RBM19: variants seen among roughly 807,000 people sequenced by gnomAD.
The protein encoded by RBM19 is RNA binding motif protein 19.
Under a neutral mutation model 116.8 loss-of-function variants are expected in RBM19, and 94 were observed. That is an observed-to-expected ratio of 0.80 (90% confidence interval 0.68 to 0.95). The LOEUF is 0.95. Among genes scored for constraint, RBM19 ranks in the 40% least tolerant of loss-of-function variants. The pLI, the probability that RBM19 is intolerant of heterozygous loss-of-function variation, is 0.00. For synonymous variants in RBM19, 475 were observed against 494.1 expected (o/e 0.96, Z 0.51); for missense variants, 1,161 against 1,220.7 (o/e 0.95, Z 0.73).
intron 21 of RBM19, among the ~76,000 whole-genome samples, chr12:113,870,669 G>A (rs1879145900): frequency 6.6e-6 from 1 of 152,106 alleles, no homozygotes; most frequent in Admixed American, 6.5e-5. Flanking sequence ...GGTTTTGCAG[G>A]GATCAAGGGA....
chr12:113,891,224 T>C (rs1880943072), intron 21 of RBM19, among the ~76,000 whole-genome samples: 1 of 152,208 alleles, frequency 6.6e-6, no homozygotes, highest in African/African-American at 2.4e-5. Context: ...CATCCCGCCA[T>C]CTCCTGCCCT....
chr12:113,951,760 A>G (rs890200170), intron 8 of RBM19, among the ~76,000 whole-genome samples: 1 of 152,186 alleles, frequency 6.6e-6, no homozygotes, highest in Non-Finnish European at 1.5e-5. Context: ...CAGAAACATG[A>G]CAGTGAGGAG....
chr12:113,920,580 C>A, intron 19 of RBM19, 31 bp downstream of exon 19: 1 of 1,594,824 alleles, frequency 6.3e-7, no homozygotes, highest in Non-Finnish European at 8.6e-7. Flanking sequence ...CAAGTGCCTC[C>A]GTGGCCCTCA....
chr12:113,932,936 C>T (rs1013595460), intron 16 of RBM19, among the ~76,000 whole-genome samples: 7 of 152,038 alleles, frequency 4.6e-5, no homozygotes, highest in African/African-American at 7.2e-5. Flanking sequence ...AGTCACGCAT[C>T]GCCACATGGG....
downstream of RBM19, among the ~76,000 whole-genome samples, chr12:113,821,135 G>T (rs1487272163): frequency 1.3e-5 from 2 of 152,170 alleles, no homozygotes; most frequent in Non-Finnish European, 2.9e-5. Context: ...GAGAGTGGTG[G>T]ACTGTTACGG....
intron 15 of RBM19, among the ~76,000 whole-genome samples, chr12:113,937,755 TAA>T (rs35507198): frequency 0.42 from 49,466 of 117,652 alleles, 10,296 homozygotes; most frequent in East Asian, 0.66. Flanking sequence ...TCCTGCCTCT[TAA>T]AAAAAAAAAA....
chr12:113,858,163 C>A (rs1221866270), intron 22 of RBM19, among the ~76,000 whole-genome samples: 2 of 152,240 alleles, frequency 1.3e-5, no homozygotes. Flanking sequence ...GGGCCCAGCA[C>A]CCACTGCAGG....
At chr12:113,927,833 G>C (rs1869243231) in intron 16 of RBM19, among the ~76,000 whole-genome samples, 1 of 152,092 alleles carries the variant, frequency 6.6e-6, no homozygotes, top group African/African-American at 2.4e-5. Context: ...GCATCACAGG[G>C]AAAAACGGAA....
chr12:113,888,441 A>C (rs940869343), intron 21 of RBM19, among the ~76,000 whole-genome samples: 1 of 152,154 alleles, frequency 6.6e-6, no homozygotes, highest in African/African-American at 2.4e-5. Flanking sequence ...TCATCTGTCA[A>C]TGTGGGGCCC....
rs575847516 is a variant in RBM19 at position 113,882,789 on chromosome 12, C to T, written c.2559-23893G>A. 1.2e-4 allele frequency among the ~76,000 whole-genome samples: 18 copies of T among 152,314 alleles called. No individual in the cohort carries two copies. In the South Asian group the frequency reaches 3.5e-3, roughly 30 times the overall value. On this transcript the variant is annotated intron_variant, in intron 21 of 23. Coordinates refer to ENST00000261741, the MANE Select transcript of RBM19 (RefSeq NM_016196.4). ...TGTGCTTACTGGGCAAATGGAGCTC[C>T]CTGGCAGGTACCCTCAGATGACCCA...
At chr12:113,885,120 G>A (rs1021495716) in intron 21 of RBM19, among the ~76,000 whole-genome samples, 3 of 152,164 alleles carry the variant, frequency 2.0e-5, no homozygotes, top group African/African-American at 7.2e-5. Context: ...CCACACACAG[G>A]ATATTTTCAG....
intron 19 of RBM19, 50 bp from the exon 20 acceptor site, chr12:113,918,497 C>A (rs367737572): frequency 1.3e-4 from 215 of 1,594,774 alleles, no homozygotes; most frequent in South Asian, 1.0e-3. Flanking sequence ...GAAATACTCA[C>A]CCGAATCCTT....
chr12:113,942,536 G>C, intron 13 of RBM19, 102 bp from the exon 14 acceptor site: 1 of 861,302 alleles, frequency 1.2e-6, no homozygotes, highest in Non-Finnish European at 1.8e-6. Flanking sequence ...GATGGAAATG[G>C]ATTCCACGGA....
At chr12:113,918,022 T>G (rs1240802113) in intron 20 of RBM19, among the ~76,000 whole-genome samples, 1 of 152,146 alleles carries the variant, frequency 6.6e-6, no homozygotes, top group East Asian at 1.9e-4. Context: ...GTTTTACAGC[T>G]TCTTCTGGTT....
At chr12:113,949,978 C>T (rs1871336064) in intron 9 of RBM19, 105 bp downstream of exon 9, 8 of 1,036,672 alleles carry the variant, frequency 7.7e-6, no homozygotes, top group Non-Finnish European at 1.2e-5. Context: ...AGAGACACTG[C>T]ATTCTTGGTG....
chr12:113,947,325 G>A lies in RBM19; in HGVS notation c.1407+9C>T. ...ACAGCCTCCTGGCCAGCCCAGGACG[G>A]GGCCTCACCTGGAATACCTGCCCGT... On this transcript the variant is annotated intron_variant, in intron 11 of 23. Coordinates refer to ENST00000261741, the MANE Select transcript of RBM19 (RefSeq NM_016196.4). 1.3e-6 allele frequency: 2 copies of A among 1,588,170 alleles called. 1 individual carries two copies. Among genetic ancestry groups the A allele is most frequent in the East Asian group, 4.5e-5 (2 of 44,246 alleles).
At chr12:113,846,560 C>T (rs1264412616) in intron 22 of RBM19, among the ~76,000 whole-genome samples, 2 of 152,120 alleles carry the variant, frequency 1.3e-5, no homozygotes, top group Non-Finnish European at 2.9e-5. Flanking sequence ...GAGATGGAGG[C>T]AGAGACTGGG....
At chr12:113,833,829 G>A (rs1875642069) in intron 23 of RBM19, among the ~76,000 whole-genome samples, 1 of 152,040 alleles carries the variant, frequency 6.6e-6, no homozygotes, top group African/African-American at 2.4e-5. Flanking sequence ...CTGCAGCCTC[G>A]AACTCCTGGG....
chr12:113,832,952 A>C (rs1875559577), intron 23 of RBM19, among the ~76,000 whole-genome samples: 1 of 152,076 alleles, frequency 6.6e-6, no homozygotes, highest in Admixed American at 6.6e-5. Context: ...TGAATGATTA[A>C]GTTATGGAAG....
Sources: gnomAD v4.1 joint callset for allele counts (sites outside exome capture counted in the v4.1 genomes callset) on GRCh38, gnomAD v4.1.1 for gene constraint, MANE v1.5 for transcripts, NCBI Gene and HGNC (gene_info 2026-07-23, HGNC 2026-07-21) for gene names.